ST6GAL2: variants seen among roughly 807,000 people sequenced by gnomAD.
ST6GAL2 encodes ST6 beta-galactoside alpha-2,6-sialyltransferase 2, also known as beta-galactoside alpha-2,6-sialyltransferase 2.
A neutral mutation model predicts 37.5 loss-of-function variants in ST6GAL2; 24 were observed. The ratio of observed to expected loss-of-function variants is 0.64; its 90% CI spans 0.46 to 0.90. The LOEUF (loss-of-function observed/expected upper bound fraction) is 0.90. Among genes scored for constraint, ST6GAL2 ranks in the 40% least tolerant of loss-of-function variants. The pLI is 0.00. For missense variants in ST6GAL2, 715 were observed against 712.7 expected (o/e 1.00, Z -0.04); for synonymous variants, 306 against 295.1 (o/e 1.04, Z -0.38).
At chr2:106,809,781 A>G (rs10194380) in intron 5 of ST6GAL2, among the ~76,000 whole-genome samples, 31,991 of 152,162 alleles carry the variant, frequency 0.21, 3,891 homozygotes, top group East Asian at 0.5. Flanking sequence ...GTAAAATACC[A>G]TAATGAGGAA....
In ST6GAL2 at chr2:106,867,991, G is replaced by A. The variant is rs116648525; in HGVS notation, c.-58+18102C>T. Among the ~76,000 whole-genome samples the A allele has an allele frequency of 7.5e-3, 1,136 of 152,296 alleles. 17 individuals carry two copies. Among genetic ancestry groups the A allele is most frequent in the African/African-American group, 0.026 (1,068 of 41,556 alleles). On this transcript the variant is annotated intron_variant, in intron 1 of 5. Transcript: ENST00000409382. ...ATTATTATATAAGAAGGTAAGGCAAGAGCGAAACTAACAAACAAAACCCTA... is the reference window on the plus strand; with the variant it reads ...ATTATTATATAAGAAGGTAAGGCAAAAGCGAAACTAACAAACAAAACCCTA...
At chr2:106,863,067 T>C (rs1458305409) in intron 1 of ST6GAL2, among the ~76,000 whole-genome samples, 2 of 152,132 alleles carry the variant, frequency 1.3e-5, no homozygotes, top group African/African-American at 4.8e-5. Flanking sequence ...TTTGCCATCA[T>C]GTGCGTTACA....
At chr2:106,830,487 T>C (rs1676378120) in intron 4 of ST6GAL2, among the ~76,000 whole-genome samples, 2 of 152,176 alleles carry the variant, frequency 1.3e-5, no homozygotes, top group African/African-American at 4.8e-5. Context: ...AGGGACTAGA[T>C]CACGGATCAG....
At chr2:106,846,041 GTCCCAGCCA>G (rs111931645) in intron 1 of ST6GAL2, among the ~76,000 whole-genome samples, 131,198 of 151,326 alleles carry the variant, frequency 0.87, 56,995 homozygotes, top group East Asian at 0.98. Flanking sequence ...TGTTCCAGCC[GTCCCAGCCA>G]TCCCAGCCAT....
At position 106,843,158 on chromosome 2, in the gene ST6GAL2, G is replaced by A. The variant is rs1407134914; in HGVS notation, c.820C>T (p.Leu274=). ...GCGGGCACCAGGCGCCGCCAGCCCAGCGCAGAAAAGGGCGCCTCGGTGCCG... is the reference window on the plus strand; with the variant it reads ...GCGGGCACCAGGCGCCGCCAGCCCAACGCAGAAAAGGGCGCCTCGGTGCCG... ...LDGTEAPFSA[L]GWRRLVPAVP... Residue 274 remains leucine (L), a synonymous_variant, in exon 2 of 6, where the codon CTG becomes TTG. Transcript: ENST00000409382. 2 of 1,563,204 alleles carry A rather than the reference G, an allele frequency of 1.3e-6. No homozygotes were observed. The highest frequency in any genetic ancestry group is 1.4e-5 in the African/African-American group (1 of 73,630).
chr2:106,885,603 A>G (rs1678947005), intron 1 of ST6GAL2, among the ~76,000 whole-genome samples: 1 of 152,120 alleles, frequency 6.6e-6, no homozygotes, highest in Non-Finnish European at 1.5e-5. Flanking sequence ...ACTCAAAAGA[A>G]TGCATCAAAT....
At chr2:106,814,344 G>T in intron 5 of ST6GAL2, among the ~76,000 whole-genome samples, 1 of 152,110 alleles carries the variant, frequency 6.6e-6, no homozygotes, top group Non-Finnish European at 1.5e-5. Context: ...GATTCCAAAA[G>T]CCAATATAAA....
intron 1 of ST6GAL2, among the ~76,000 whole-genome samples, chr2:106,860,479 A>G (rs2104578434): frequency 6.6e-6 from 1 of 152,256 alleles, no homozygotes; most frequent in South Asian, 2.1e-4. Context: ...ATGGCTAGTG[A>G]GGGGTTAGGT....
chr2:106,837,881 T>C (rs920039261), intron 2 of ST6GAL2, among the ~76,000 whole-genome samples: 1 of 152,092 alleles, frequency 6.6e-6, no homozygotes, highest in African/African-American at 2.4e-5. Flanking sequence ...TGTAATTCCT[T>C]TGGAGGTGGT....
upstream of ST6GAL2, chr2:106,886,316 A>T (rs1678991717): frequency 6.6e-6 from 1 of 152,170 alleles, no homozygotes. Flanking sequence ...GGGCTGCAGA[A>T]GGCGAGTGCG....
At chr2:106,848,321 T>C (rs1677227577) in intron 1 of ST6GAL2, among the ~76,000 whole-genome samples, 1 of 152,232 alleles carries the variant, frequency 6.6e-6, no homozygotes, top group African/African-American at 2.4e-5. Flanking sequence ...ATGCTGGGAA[T>C]ACCAAGGCTG....
intron 1 of ST6GAL2, chr2:106,885,753 T>C (rs1678956042): frequency 6.6e-6 from 1 of 151,906 alleles, no homozygotes; most frequent in African/African-American, 2.4e-5. Flanking sequence ...GAACCAGAAA[T>C]GAACAGAACA....
intron 1 of ST6GAL2, among the ~76,000 whole-genome samples, chr2:106,884,934 T>TATATATATATATATATACACACAC (rs1425070594): frequency 1.7e-5 from 2 of 120,470 alleles, no homozygotes; most frequent in African/African-American, 7.1e-5. Flanking sequence ...TATATATATA[T>TATATATATATATATATACACACAC]ACATACACAC....
chr2:106,844,027 G>A lies in ST6GAL2; in HGVS notation c.-50C>T. ...TGTGTCTTAATGCAGATGGGTGGCA[G>A]AATGAACCTGAAAAACAGCCAGATG... On this transcript the variant is annotated 5_prime_UTR_variant, in exon 2 of 6. Coordinates refer to ENST00000409382, the MANE Select transcript of ST6GAL2 (RefSeq NM_001142351.2). The A allele has an allele frequency of 6.9e-7, 1 of 1,456,892 alleles. No homozygotes were observed. Among genetic ancestry groups the A allele is most frequent in the Admixed American group, 2.1e-5 (1 of 46,864 alleles). The allele number at this position is 1,456,892 out of a possible 1,614,324, so 90.2% of individuals were successfully genotyped here. A position where few individuals can be genotyped will look rare whatever the true frequency, so the allele number is the denominator to read the frequency against.
At chr2:106,879,650 C>T (rs557244345) in intron 1 of ST6GAL2, among the ~76,000 whole-genome samples, 22 of 149,108 alleles carry the variant, frequency 1.5e-4, no homozygotes, top group East Asian at 5.9e-4. Flanking sequence ...CAATTATATA[C>T]GTATCTAATG....
chr2:106,820,101 G>C (rs1675942103), intron 5 of ST6GAL2, among the ~76,000 whole-genome samples: 1 of 152,080 alleles, frequency 6.6e-6, no homozygotes, highest in South Asian at 2.1e-4. Flanking sequence ...CAAAATGGCA[G>C]GAGTAAGTCC....
At chr2:106,812,633 G>T (rs1675651481) in intron 5 of ST6GAL2, among the ~76,000 whole-genome samples, 2 of 152,190 alleles carry the variant, frequency 1.3e-5, no homozygotes, top group African/African-American at 4.8e-5. Context: ...GCCTTCCTGA[G>T]GATAAGCAGT....
intron 5 of ST6GAL2, among the ~76,000 whole-genome samples, chr2:106,822,707 C>T (rs1034529350): frequency 6.6e-6 from 1 of 152,042 alleles, no homozygotes; most frequent in Admixed American, 6.6e-5. Flanking sequence ...GTAGCCAAAA[C>T]TATCCTGAGT....
intron 1 of ST6GAL2, among the ~76,000 whole-genome samples, chr2:106,861,474 T>C (rs919582960): frequency 1.3e-5 from 2 of 152,140 alleles, no homozygotes; most frequent in Non-Finnish European, 2.9e-5. Context: ...CTGTGCTAGA[T>C]GGTGGGGATT....
Sources: gnomAD v4.1 joint callset for allele counts (sites outside exome capture counted in the v4.1 genomes callset) on GRCh38, gnomAD v4.1.1 for gene constraint, MANE v1.5 for transcripts, NCBI Gene and HGNC (gene_info 2026-07-23, HGNC 2026-07-21) for gene names.